TGFB1: variants seen among roughly 807,000 people sequenced by gnomAD.
The protein encoded by TGFB1 is transforming growth factor beta 1, also known as transforming growth factor beta-1 proprotein.
TGFB1 carries 19 observed loss-of-function variants against 43.8 expected under a neutral mutation model. The ratio of observed to expected loss-of-function variants is 0.43; its 90% confidence interval spans 0.30 to 0.64. TGFB1 has a LOEUF of 0.64. TGFB1 is among the 30% of genes least tolerant of loss of function. The pLI is 0.11. For synonymous variants in TGFB1, 221 were observed against 236.3 expected, an observed-to-expected ratio of 0.94 and a Z score of 0.60; for missense variants, 445 against 529.8, an observed-to-expected ratio of 0.84 and a Z score of 1.57.
At chr19:41,345,057 G>C (rs1226496291) in intron 2 of TGFB1, among the ~76,000 whole-genome samples, 193 bp from the exon 3 acceptor site, 1 of 152,162 alleles carries the variant, frequency 6.6e-6, no homozygotes, top group Non-Finnish European at 1.5e-5. Context: ...TGAGAGGAGG[G>C]GTGGAGAAAA....
intron 2 of TGFB1, among the ~76,000 whole-genome samples, chr19:41,346,650 C>T (rs555884455): frequency 6.6e-6 from 1 of 152,332 alleles, no homozygotes; most frequent in African/African-American, 2.4e-5. Context: ...TTATCTGCAA[C>T]ATCCAAAATA....
At chr19:41,348,191 C>G in intron 2 of TGFB1, 104 bp downstream of exon 2, 1 of 1,312,336 alleles carries the variant, frequency 7.6e-7, no homozygotes, top group Non-Finnish European at 1.1e-6. Flanking sequence ...CTTCAGGGAC[C>G]ATCTAGGTGG....
Position 41,353,894 on chromosome 19 carries a change from T to C in TGFB1, c.-850A>G. 5.2e-6 allele frequency: 1 copy of C among 193,404 alleles called. No individual in the cohort carries two copies. Among genetic ancestry groups the C allele is most frequent in the Non-Finnish European group, 1.0e-5 (1 of 96,114 alleles). 12.0% of individuals were successfully genotyped at this position (193,404 alleles called of 1,614,324 possible). On this transcript the variant is annotated 5_prime_UTR_variant, in exon 1 of 7. Coordinates refer to ENST00000221930, the MANE Select transcript of TGFB1 (RefSeq NM_000660.7). This position sits in a 1 kb window ranked among gnomAD's most constrained non-coding sequence, Gnocchi z 5.9. ...TCCGCGGAGGGAGGTGGGAGGGAGA[T>C]GGCCCAGGGCGCGAAGGGCGGCGGC... is the stretch of plus-strand genomic sequence containing the variant.
At chr19:41,336,217 C>T (rs1424730372) in intron 5 of TGFB1, among the ~76,000 whole-genome samples, 11 of 151,830 alleles carry the variant, frequency 7.2e-5, no homozygotes, top group Admixed American at 2.0e-4. Flanking sequence ...AGGCTGGTCT[C>T]GAACTCCTGA....
At chr19:41,349,199 G>C (rs1367565424) in intron 1 of TGFB1, among the ~76,000 whole-genome samples, 1 of 152,196 alleles carries the variant, frequency 6.6e-6, no homozygotes, top group Non-Finnish European at 1.5e-5. Context: ...ACCATGGGCA[G>C]TTAACACCCT....
rs201700967 is a variant in TGFB1, at chr19:41,331,071, C to T, written c.1154G>A (p.Arg385His). The T allele has an allele frequency of 3.1e-5, 49 of 1,576,766 alleles. No individual in the cohort carries two copies. The highest frequency in any genetic ancestry group is 3.9e-5 in the Non-Finnish European group (45 of 1,163,648). Reference sequence around the variant, plus strand: ...GGGACCTCAGCTGCACTTGCAGGAGCGCACGATCATGTTGGACAGCTGCTC... The same window carrying T: ...GGGACCTCAGCTGCACTTGCAGGAGTGCACGATCATGTTGGACAGCTGCTC... ...KVEQLSNMIV[R>H]SCKCS Residue 385 changes from arginine (R) to histidine (H), a missense_variant, in exon 7 of 7, where the codon CGC (arginine) becomes CAC (histidine). Arg to His is a conservative substitution (Grantham distance 29). This residue lies in a region of TGFB1 where 56 missense variants were observed against 46.9 expected (regional missense o/e 1.19). Transcript: ENST00000221930.
chr19:41,348,434 T>TGC lies in TGFB1; in HGVS notation c.375_376dup (p.Gln126ArgfsTer34). On this transcript the variant is annotated frameshift_variant, in exon 2 of 7. Coordinates refer to ENST00000221930, the MANE Select transcript of TGFB1 (RefSeq NM_000660.7). LOFTEE classifies it high-confidence loss of function. ...GAACATATATATGCTGTGTGTACTC[T>TGC]GCTTGAACTTGTCATAGATTTCTAG... 1 of 1,613,402 alleles carries TGC rather than the reference T, an allele frequency of 6.2e-7. No homozygotes were observed. Among genetic ancestry groups the TGC allele is most frequent in the Middle Eastern group, 1.7e-4 (1 of 6,044 alleles).
intron 5 of TGFB1, among the ~76,000 whole-genome samples, chr19:41,336,090 A>C (rs1258874559): frequency 6.7e-6 from 1 of 148,806 alleles, no homozygotes; most frequent in East Asian, 2.0e-4. Flanking sequence ...CCATGTCCCA[A>C]GTTCAAGCAA....
rs754662400 is a variant in TGFB1, at chr19:41,341,864, T to A, written c.860+19A>T. ...ATGCCCCCAGCCTGGAAGGCCTCCA[T>A]CCAGGCTACAAGGCTCACCTGAAGC... On this transcript the variant is annotated intron_variant, in intron 5 of 6. Transcript: ENST00000221930. The A allele has an allele frequency of 1.8e-5, 29 of 1,612,504 alleles. No homozygotes were observed. The South Asian group carries it at 3.1e-4, about 17-fold the overall frequency.
chr19:41,342,674 C>T (rs1286032792), intron 3 of TGFB1, among the ~76,000 whole-genome samples: 2 of 152,022 alleles, frequency 1.3e-5, no homozygotes, highest in African/African-American at 4.8e-5. Context: ...GCCACCACAC[C>T]CGGCTAATTT....
At chr19:41,348,569 G>T in intron 1 of TGFB1, 114 bp from the exon 2 acceptor site, 1 of 634,574 alleles carries the variant, frequency 1.6e-6, no homozygotes, top group Non-Finnish European at 2.6e-6. Context: ...GTCAGTCTCT[G>T]ATACCTTTTA....
chr19:41,342,130 A>G, intron 4 of TGFB1, 40 bp downstream of exon 4: 1 of 1,611,774 alleles, frequency 6.2e-7, no homozygotes, highest in Non-Finnish European at 8.5e-7. Context: ...ACACACGCAC[A>G]CACGTCACAA....
chr19:41,353,128 G>A lies in TGFB1; in HGVS notation c.-84C>T, dbSNP rs936521162. The A allele has an allele frequency of 1.4e-6, 2 of 1,416,460 alleles. No homozygotes were observed. The highest frequency in any genetic ancestry group is 1.8e-6 in the Non-Finnish European group (2 of 1,090,422). The allele number at this position is 1,416,460 out of a possible 1,614,324, so 87.7% of individuals were successfully genotyped here. On this transcript the variant is annotated 5_prime_UTR_variant, in exon 1 of 7. Coordinates refer to ENST00000221930, the MANE Select transcript of TGFB1 (RefSeq NM_000660.7). This position sits in a 1 kb window ranked among gnomAD's most constrained non-coding sequence, Gnocchi z 5.9. Reference sequence around the variant, plus strand: ...AGGCCCCGCCCCTGCAGGGGCTGGGGGTCTCCCGGCAAAAGGTAGGAGGGC... The same window carrying A: ...AGGCCCCGCCCCTGCAGGGGCTGGGAGTCTCCCGGCAAAAGGTAGGAGGGC...
chr19:41,331,935 G>A, intron 6 of TGFB1, 193 bp downstream of exon 6: 1 of 684,204 alleles, frequency 1.5e-6, no homozygotes. Context: ...TCTCCCTCTG[G>A]CCCCTGCTCA....
Position 41,331,144 on chromosome 19 carries a change from G to A in TGFB1, c.1081C>T (p.Leu361=). 1 of 1,569,202 alleles carries A rather than the reference G, an allele frequency of 6.4e-7. No individual in the cohort carries two copies. ...TAGTACACGATGGGCAGCGGCTCCA[G>A]CGCCTGCGGCACGCAGCACGGCGCC... ...SAAPCCVPQA[L]EPLPIVYYVG... The change falls in exon 7 of 7, where the codon CTG becomes TTG. Residue 361 remains leucine (L), a synonymous_variant. Coordinates refer to ENST00000221930, the MANE Select transcript of TGFB1 (RefSeq NM_000660.7).
intron 3 of TGFB1, among the ~76,000 whole-genome samples, chr19:41,343,980 C>CTTTTTTTTTTTTTTTTT (rs3061192): frequency 1.0e-5 from 1 of 98,638 alleles, no homozygotes; most frequent in Admixed American, 1.2e-4. Context: ...TGCCTGGAAT[C>CTTTTTTTTTTTTTTTTT]TTTTTTTTTT....
intron 1 of TGFB1, chr19:41,350,904 G>C (rs1209805673): frequency 6.6e-6 from 1 of 152,480 alleles, no homozygotes; most frequent in Non-Finnish European, 1.5e-5. Context: ...GGAAGACAGA[G>C]AGGAGGGAGA....
chr19:41,342,403 T>A (rs1426116649), intron 3 of TGFB1, among the ~76,000 whole-genome samples, 156 bp from the exon 4 acceptor site: 6 of 148,626 alleles, frequency 4.0e-5, no homozygotes, highest in Non-Finnish European at 7.5e-5. Context: ...TTTTTTTTTT[T>A]TTTTTTTTTT....
intron 1 of TGFB1, among the ~76,000 whole-genome samples, chr19:41,350,244 T>A (rs2038168865): frequency 6.6e-6 from 1 of 151,748 alleles, no homozygotes; most frequent in Non-Finnish European, 1.5e-5. Flanking sequence ...TTAGGGAAAG[T>A]GAAGTTCATT....
Sources: allele counts gnomAD v4.1 joint callset (sites outside exome capture counted in the v4.1 genomes callset), GRCh38; gene constraint gnomAD v4.1.1; regional missense constraint gnomAD v4.1.1; non-coding constraint Gnocchi (gnomAD v3.1); transcripts MANE v1.5; gene names NCBI Gene and HGNC (gene_info 2026-07-23, HGNC 2026-07-21).